The following GALNT9 variants were observed in gnomAD, a reference collection of about 807,000 sequenced individuals.
GALNT9 encodes the protein GalNAc transferase 9.
Under a neutral mutation model 63.1 loss-of-function variants are expected in GALNT9, and 47 were observed. That is an observed-to-expected ratio of 0.75 (90% CI 0.59 to 0.95). The LOEUF is 0.95. Among genes scored for constraint, GALNT9 ranks in the 40% least tolerant of loss-of-function variants. GALNT9 has a pLI of 0.00. For synonymous variants in GALNT9, 396 were observed against 365.7 expected, an observed-to-expected ratio of 1.08 and a Z score of -0.94; for missense variants, 829 against 874.8, an observed-to-expected ratio of 0.95 and a Z score of 0.66.
intron 2 of GALNT9, chr12:132,276,575 T>C (rs1462351528): frequency 6.5e-6 from 1 of 154,572 alleles, no homozygotes; most frequent in Non-Finnish European, 1.5e-5. Context: ...TGCTCAGGCT[T>C]AAACAATTAA....
chr12:132,271,279 G>A (rs1555240699), intron 2 of GALNT9, among the ~76,000 whole-genome samples: 2 of 151,434 alleles, frequency 1.3e-5, no homozygotes, highest in Admixed American at 6.6e-5. Context: ...CAGGGCTCGA[G>A]GGTGGGGGGA....
At chr12:132,214,005 C>T (rs540077299) in intron 6 of GALNT9, among the ~76,000 whole-genome samples, 1 of 152,314 alleles carries the variant, frequency 6.6e-6, no homozygotes, top group Admixed American at 6.5e-5. Context: ...AGTCCTCAAC[C>T]ACCCCCGCTC....
rs148244362 is a variant in GALNT9, at chr12:132,261,282, A to G, written c.587-160T>C. Among the ~76,000 whole-genome samples the G allele has an allele frequency of 6.9e-3, 1,047 of 152,280 alleles. 11 individuals are homozygous for G. Among genetic ancestry groups the G allele is most frequent in the African/African-American group, 0.024 (1,000 of 41,554 alleles). On this transcript the variant is annotated intron_variant, in intron 3 of 10. Coordinates refer to ENST00000328957, the MANE Select transcript of GALNT9 (RefSeq NM_001122636.2). ...ACATGTGGTTCAGCGTGGAGGTCAC[A>G]GAGAGATGAGACCCCAGCCTCATGA...
intron 1 of GALNT9, among the ~76,000 whole-genome samples, chr12:132,303,154 G>GC (rs1299287753): frequency 6.6e-6 from 1 of 151,996 alleles, no homozygotes; most frequent in Non-Finnish European, 1.5e-5. Context: ...CACCCCTGTG[G>GC]CCTTCACCCG....
chr12:132,239,447 CAGAG>C (rs2136896987), intron 6 of GALNT9, among the ~76,000 whole-genome samples: 83 of 148,428 alleles, frequency 5.6e-4, no homozygotes, highest in African/African-American at 1.9e-3. Flanking sequence ...GAGTCAGAGA[CAGAG>C]AGGCAGAGAG....
intron 4 of GALNT9, 64 bp from the exon 5 acceptor site, chr12:132,257,950 C>T: frequency 1.7e-6 from 2 of 1,178,092 alleles, no homozygotes; most frequent in Non-Finnish European, 2.4e-6. Flanking sequence ...GGAGGGTCCA[C>T]TCGCCCACAG....
At chr12:132,253,192 G>C (rs1294197916) in intron 5 of GALNT9, among the ~76,000 whole-genome samples, 14 of 152,164 alleles carry the variant, frequency 9.2e-5, no homozygotes, top group Admixed American at 8.5e-4. Context: ...AGTGCGGGAG[G>C]AGCATGAAAG....
At chr12:132,253,795 C>T (rs1428847590) in intron 5 of GALNT9, among the ~76,000 whole-genome samples, 2 of 152,156 alleles carry the variant, frequency 1.3e-5, no homozygotes, top group South Asian at 2.1e-4. Context: ...AAAGAGATCA[C>T]GGAAATGCCG....
At position 132,210,518 on chromosome 12, in the gene GALNT9, T is replaced by G. The variant is rs1876909168; in HGVS notation, c.1078-6828A>C. ...GAGGACTGAGTGGGGCCATGAGGCT[T>G]GGGCAGGAGGTGCGCCCTGGCTGGG... On this transcript the variant is annotated intron_variant, in intron 6 of 10. Coordinates refer to ENST00000328957, the MANE Select transcript of GALNT9 (RefSeq NM_001122636.2). 5.9e-5 allele frequency among the ~76,000 whole-genome samples: 9 copies of G among 152,182 alleles called. No homozygotes were observed. In the South Asian group the frequency reaches 1.9e-3, roughly 32 times the overall value.
intron 6 of GALNT9, among the ~76,000 whole-genome samples, chr12:132,239,487 TACAGAGAG>T (rs1565995172): frequency 1.7e-5 from 1 of 59,956 alleles, no homozygotes; most frequent in East Asian, 4.5e-4. Flanking sequence ...GAGACAGAGA[TACAGAGAG>T]ACAGAGAGAG....
Position 132,316,314 on chromosome 12 carries a change from C to G in GALNT9, c.238+12652G>C, listed in dbSNP as rs28459813. 1.3e-5 allele frequency among the ~76,000 whole-genome samples: 2 copies of G among 152,124 alleles called. No homozygotes were observed. The highest frequency in any genetic ancestry group is 6.5e-5 in the Admixed American group (1 of 15,290). On this transcript the variant is annotated intron_variant, in intron 1 of 10. Coordinates refer to ENST00000328957, the MANE Select transcript of GALNT9 (RefSeq NM_001122636.2). This position sits in a 1 kb window ranked among gnomAD's most constrained non-coding sequence, Gnocchi z 4.3. The stretch of plus-strand genomic sequence containing the variant: ...TGGGTTCTTCCCCAGCCCGACCCCA[C>G]GTCCCCATTTCACGATGCATTTTTA...
intron 6 of GALNT9, among the ~76,000 whole-genome samples, chr12:132,204,232 T>TGTCA: frequency 6.6e-6 from 1 of 152,210 alleles, no homozygotes; most frequent in East Asian, 1.9e-4. Flanking sequence ...GAAACGTGTT[T>TGTCA]GTCACTGCGT....
chr12:132,231,052 C>A (rs1463004525), intron 6 of GALNT9, among the ~76,000 whole-genome samples: 1 of 128,484 alleles, frequency 7.8e-6, no homozygotes, highest in African/African-American at 3.2e-5. Context: ...GAGGAGACAG[C>A]GTGGAGTCCC....
chr12:132,329,371 C>G lies in GALNT9; in HGVS notation c.-168G>C. On this transcript the variant is annotated 5_prime_UTR_variant, in exon 1 of 11. Transcript: ENST00000328957. Reference sequence around the variant, plus strand: ...ACCAGCTCAGCGCGCCGGGCCACGGCCGCCGGGGGTCCCCCAGAGCGCAGA... The same window carrying G: ...ACCAGCTCAGCGCGCCGGGCCACGGGCGCCGGGGGTCCCCCAGAGCGCAGA... The G allele has an allele frequency of 9.8e-7, 1 of 1,018,804 alleles. No individual in the cohort carries two copies. Among genetic ancestry groups the G allele is most frequent in the East Asian group, 3.3e-5 (1 of 30,102 alleles). 63.1% of individuals were successfully genotyped at this position (1,018,804 alleles called of 1,614,324 possible).
In GALNT9 at chr12:132,240,367, C is replaced by A. The variant is rs2136898157; in HGVS notation, c.1077+7543G>T. Reference sequence around the variant, plus strand: ...GCTGCAGGGAGACCCCACTGTACACCCCATGCTGGCCAGGTGGCTGGTGAA... The same window carrying A: ...GCTGCAGGGAGACCCCACTGTACACACCATGCTGGCCAGGTGGCTGGTGAA... On this transcript the variant is annotated intron_variant, in intron 6 of 10. Transcript: ENST00000328957. 90 of 351,146 alleles carry A rather than the reference C, an allele frequency of 2.6e-4. 1 individual carries two copies. Among genetic ancestry groups the A allele is most frequent in the Non-Finnish European group, 4.6e-4 (82 of 177,610 alleles). 21.8% of individuals were successfully genotyped at this position (351,146 alleles called of 1,614,324 possible).
intron 5 of GALNT9, among the ~76,000 whole-genome samples, chr12:132,251,404 C>G (rs1455137158): frequency 2.0e-5 from 3 of 152,218 alleles, no homozygotes; most frequent in African/African-American, 7.2e-5. Flanking sequence ...TGCTCTGCGT[C>G]TTGGGGGGCT....
At chr12:132,262,436 G>T in intron 3 of GALNT9, 23 bp downstream of exon 3, 1 of 1,541,158 alleles carries the variant, frequency 6.5e-7, no homozygotes, top group Non-Finnish European at 8.8e-7. Flanking sequence ...GGCGAGCACC[G>T]TGCCGAGGCC....
chr12:132,203,508 C>T lies in GALNT9; in HGVS notation c.1260G>A (p.Met420Ile). 1 of 1,613,680 alleles carries T rather than the reference C, an allele frequency of 6.2e-7. No homozygotes were observed. Among genetic ancestry groups the T allele is most frequent in the Non-Finnish European group, 8.5e-7 (1 of 1,179,658 alleles). ...SHVYMAWNIP[M>I]SNPGVDFGDV... Reference sequence around the variant, plus strand: ...TCCCGGCCTGTGGGGGACTCACCGACATGGGGATGTTCCAGGCCATGTACA... The same window carrying T: ...TCCCGGCCTGTGGGGGACTCACCGATATGGGGATGTTCCAGGCCATGTACA... The change falls in exon 7 of 11, where the codon ATG becomes ATA. Residue 420 changes from methionine (M) to isoleucine (I), a missense_variant. Physicochemically the swap from Met to Ile is conservative, Grantham distance 10. Coordinates refer to ENST00000328957, the MANE Select transcript of GALNT9 (RefSeq NM_001122636.2).
chr12:132,204,854 G>A lies in GALNT9; in HGVS notation c.1078-1164C>T, dbSNP rs148944321. 5.4e-3 allele frequency among the ~76,000 whole-genome samples: 829 copies of A among 152,198 alleles called. 2 individuals carry two copies. Among genetic ancestry groups the A allele is most frequent in the Middle Eastern group, 0.01 (3 of 294 alleles). ...TGATCCACGTGGCCCAAGCTCCGCC[G>A]TGCTCAGGTCCTCAGCCCTGAGCCT... On this transcript the variant is annotated intron_variant, in intron 6 of 10. Transcript: ENST00000328957.
Sources: gnomAD v4.1 joint callset for allele counts (sites outside exome capture counted in the v4.1 genomes callset) on GRCh38, gnomAD v4.1.1 for gene constraint, Gnocchi (gnomAD v3.1) non-coding constraint, MANE v1.5 for transcripts, NCBI Gene and HGNC (gene_info 2026-07-23, HGNC 2026-07-21) for gene names.